The following CDH18 variants were observed in gnomAD, a reference collection of about 807,000 sequenced individuals.
The protein encoded by CDH18 is cadherin 18, also known as cadherin-18.
Under a neutral mutation model 67.9 loss-of-function variants are expected in CDH18, and 31 were observed. The observed-to-expected ratio is 0.46, with a 90% CI of 0.34 to 0.62. The LOEUF (loss-of-function observed/expected upper bound fraction) is 0.62, where lower values mean the gene tolerates loss of function less well. CDH18 is among the 20% of genes least tolerant of loss of function. The probability of loss-of-function intolerance (pLI) is 0.01; values close to 1 mark genes in which losing one functional copy is unlikely to be tolerated. For synonymous variants in CDH18, 362 were observed against 347.2 expected, an observed-to-expected ratio of 1.04 and a Z score of -0.48; for missense variants, 890 against 975.5, an observed-to-expected ratio of 0.91 and a Z score of 1.17.
chr5:20,259,175 A>G (rs946545540), intron 1 of CDH18, among the ~76,000 whole-genome samples: 1 of 152,174 alleles, frequency 6.6e-6, no homozygotes, highest in African/African-American at 2.4e-5. Flanking sequence ...ATTGTTAGAA[A>G]ACTGGATTTT....
chr5:20,273,463 A>C (rs1263476599), intron 1 of CDH18, among the ~76,000 whole-genome samples: 1 of 152,060 alleles, frequency 6.6e-6, no homozygotes, highest in Non-Finnish European at 1.5e-5. Flanking sequence ...AAAAATATTA[A>C]AATGATCAAT....
chr5:20,566,158 A>G (rs1758490700), intron 1 of CDH18, among the ~76,000 whole-genome samples: 1 of 152,032 alleles, frequency 6.6e-6, no homozygotes, highest in South Asian at 2.1e-4. Context: ...AAAATGGGCT[A>G]CTTTTGCAGG....
At chr5:19,579,071 T>G in intron 7 of CDH18, among the ~76,000 whole-genome samples, 1 of 152,096 alleles carries the variant, frequency 6.6e-6, no homozygotes, top group Non-Finnish European at 1.5e-5. Context: ...AGAGAATGAT[T>G]TATTAAATCT....
At chr5:20,270,851 G>A (rs183156201) in intron 1 of CDH18, among the ~76,000 whole-genome samples, 4 of 152,056 alleles carry the variant, frequency 2.6e-5, no homozygotes, top group African/African-American at 7.2e-5. Context: ...TGGAGTTGGA[G>A]GCCATTATCC....
intron 2 of CDH18, among the ~76,000 whole-genome samples, chr5:20,228,519 ATATTGT>A (rs71868643): frequency 0.13 from 19,339 of 151,950 alleles, 1,652 homozygotes; most frequent in African/African-American, 0.24. Context: ...AGAATGCAAT[ATATTGT>A]TATTAAGTGT....
chr5:19,633,634 A>T (rs971739962), intron 5 of CDH18, among the ~76,000 whole-genome samples: 8 of 150,410 alleles, frequency 5.3e-5, no homozygotes, highest in Non-Finnish European at 1.2e-4. Context: ...ATTTGTTTTC[A>T]TTTTTTTTTA....
chr5:19,832,050 C>T (rs1322271935), intron 3 of CDH18, among the ~76,000 whole-genome samples: 1 of 152,000 alleles, frequency 6.6e-6, no homozygotes, highest in Non-Finnish European at 1.5e-5. Context: ...GGGAGCTGAA[C>T]ACAAGGTATT....
chr5:20,566,364 T>C (rs1221222205), intron 1 of CDH18, among the ~76,000 whole-genome samples: 26 of 145,010 alleles, frequency 1.8e-4, no homozygotes, highest in Admixed American at 1.2e-3. Context: ...CTTTTTCTTT[T>C]TTTTTTTTTT....
intron 3 of CDH18, among the ~76,000 whole-genome samples, chr5:19,766,023 G>C (rs2149721229): frequency 6.6e-6 from 1 of 152,080 alleles, no homozygotes; most frequent in East Asian, 1.9e-4. Context: ...GGGATTACAG[G>C]TGCCCACCAC....
chr5:19,652,262 T>C (rs1755690809), intron 5 of CDH18, among the ~76,000 whole-genome samples: 1 of 152,152 alleles, frequency 6.6e-6, no homozygotes, highest in Non-Finnish European at 1.5e-5. Context: ...TTTTTTACTA[T>C]TGCTATGACA....
chr5:19,535,795 AG>A (rs1749323759), intron 9 of CDH18, among the ~76,000 whole-genome samples: 1 of 152,246 alleles, frequency 6.6e-6, no homozygotes, highest in African/African-American at 2.4e-5. Context: ...TTCTGGAAAT[AG>A]CAGAAGCTTT....
At chr5:19,548,564 G>C (rs1440314096) in intron 8 of CDH18, among the ~76,000 whole-genome samples, 1 of 151,764 alleles carries the variant, frequency 6.6e-6, no homozygotes, top group African/African-American at 2.4e-5. Context: ...ACTAGATGGG[G>C]TTCTAAGTGC....
intron 2 of CDH18, among the ~76,000 whole-genome samples, chr5:20,169,088 T>C (rs1243555441): frequency 1.3e-5 from 2 of 152,098 alleles, no homozygotes; most frequent in Admixed American, 1.3e-4. Context: ...AAGATGACTG[T>C]AGTGAATAAT....
intron 1 of CDH18, among the ~76,000 whole-genome samples, chr5:20,387,941 T>C (rs1291981128): frequency 6.6e-6 from 1 of 152,222 alleles, no homozygotes; most frequent in East Asian, 1.9e-4. Flanking sequence ...TGGATAAGCT[T>C]TTTGATGTGC....
intron 2 of CDH18, among the ~76,000 whole-genome samples, chr5:19,993,316 A>T (rs1238234728): frequency 2.6e-5 from 4 of 152,200 alleles, no homozygotes; most frequent in Non-Finnish European, 5.9e-5. Flanking sequence ...CACAGTTATC[A>T]AAAGTGTAAA....
intron 3 of CDH18, among the ~76,000 whole-genome samples, chr5:19,755,574 GGATATATATAATATAA>G (rs1203054877): frequency 1.2e-4 from 17 of 141,574 alleles, no homozygotes; most frequent in Admixed American, 1.1e-3. Flanking sequence ...ATAAAATATA[GGATATATATAATATAA>G]GATATATATA....
At chr5:19,932,881 G>T (rs1426044015) in intron 2 of CDH18, among the ~76,000 whole-genome samples, 4 of 151,450 alleles carry the variant, frequency 2.6e-5, no homozygotes, top group South Asian at 4.1e-4. Context: ...TCTACTCCAT[G>T]TATCTGTACA....
chr5:20,194,298 G>C (rs754123872), intron 2 of CDH18, among the ~76,000 whole-genome samples: 17 of 151,938 alleles, frequency 1.1e-4, no homozygotes, highest in Non-Finnish European at 1.8e-4. Flanking sequence ...GCAAAAATCA[G>C]AAGTATTTGT....
At chr5:20,454,274 T>TA (rs1194424125) in intron 1 of CDH18, among the ~76,000 whole-genome samples, 1 of 152,170 alleles carries the variant, frequency 6.6e-6, no homozygotes, top group African/African-American at 2.4e-5. Context: ...GTCTACTTTT[T>TA]ATCTATTGAT....
Sources: gnomAD v4.1 joint callset for allele counts (sites outside exome capture counted in the v4.1 genomes callset) on GRCh38, gnomAD v4.1.1 for gene constraint, MANE v1.5 for transcripts, NCBI Gene and HGNC (gene_info 2026-07-23, HGNC 2026-07-21) for gene names.